Variants in IL16 observed in about 807,000 individuals in gnomAD.
IL16 encodes the protein pro-interleukin-16.
A neutral mutation model predicts 110.1 loss-of-function variants in IL16; 67 were observed. The observed-to-expected ratio is 0.61, with a 90% CI of 0.50 to 0.75. The LOEUF is 0.75. IL16 is among the 30% of genes least tolerant of loss of function. IL16 has a pLI of 0.00. For synonymous variants in IL16, 689 were observed against 662.9 expected (o/e 1.04, Z -0.61); for missense variants, 1,545 against 1,655.0 (o/e 0.93, Z 1.15).
At chr15:81,307,014 C>G (rs3926278) in intron 18 of IL16, among the ~76,000 whole-genome samples, 20,642 of 152,220 alleles carry the variant, frequency 0.14, 1,984 homozygotes, top group African/African-American at 0.27. Context: ...TTGCCTTACC[C>G]TAGTCCTGGA....
At chr15:81,301,908 C>A (rs1900307424) in intron 15 of IL16, among the ~76,000 whole-genome samples, 1 of 152,214 alleles carries the variant, frequency 6.6e-6, no homozygotes, top group African/African-American at 2.4e-5. Flanking sequence ...GTTACAAGAG[C>A]TCTCACCTGG....
At chr15:81,222,453 C>T (rs1489836934) in intron 1 of IL16, among the ~76,000 whole-genome samples, 1 of 150,586 alleles carries the variant, frequency 6.6e-6, no homozygotes, top group East Asian at 1.9e-4. Context: ...TCAGGCATGG[C>T]TGGATCTAGA....
intron 10 of IL16, among the ~76,000 whole-genome samples, chr15:81,287,383 G>A (rs1400619811): frequency 1.3e-5 from 2 of 152,202 alleles, no homozygotes; most frequent in African/African-American, 4.8e-5. Flanking sequence ...TAGACTTAGG[G>A]CTGATAGCAA....
At position 81,306,473 on chromosome 15, in the gene IL16, G is replaced by A. The variant is rs767528033; in HGVS notation, c.3733G>A (p.Gly1245Ser). 1.9e-6 allele frequency: 3 copies of A among 1,614,044 alleles called. No homozygotes were observed. The Admixed American group carries it at 5.0e-5, about 27-fold the overall frequency. The change falls in exon 18 of 19, where the codon GGC becomes AGC. Residue 1245 changes from glycine to serine, a missense_variant. Coordinates refer to ENST00000683961, the MANE Select transcript of IL16 (RefSeq NM_172217.5). ...VTLEKMSAGL[G>S]FSLEGGKGSL... Reference sequence around the variant, plus strand: ...ACTGGAGAAGATGTCGGCAGGGCTGGGCTTCAGCCTGGAAGGAGGGAAGGG... The same window carrying A: ...ACTGGAGAAGATGTCGGCAGGGCTGAGCTTCAGCCTGGAAGGAGGGAAGGG...
At chr15:81,214,659 A>T (rs1161873646) in intron 1 of IL16, among the ~76,000 whole-genome samples, 1 of 151,954 alleles carries the variant, frequency 6.6e-6, no homozygotes, top group Non-Finnish European at 1.5e-5. Flanking sequence ...TCATATTTGC[A>T]TATCAACCTC....
At chr15:81,220,550 G>A (rs938179825) in intron 1 of IL16, among the ~76,000 whole-genome samples, 1 of 152,078 alleles carries the variant, frequency 6.6e-6, no homozygotes, top group Non-Finnish European at 1.5e-5. Context: ...TTACCCCCTG[G>A]GCTAGAGTGA....
At chr15:81,252,550 A>G (rs1897802317) in intron 2 of IL16, among the ~76,000 whole-genome samples, 2 of 152,180 alleles carry the variant, frequency 1.3e-5, no homozygotes, top group African/African-American at 4.8e-5. Flanking sequence ...GTATATTTAC[A>G]GAGTTGTACA....
At chr15:81,297,772 C>T (rs1219288144) in intron 13 of IL16, among the ~76,000 whole-genome samples, 1 of 152,170 alleles carries the variant, frequency 6.6e-6, no homozygotes, top group African/African-American at 2.4e-5. Context: ...TCGTGAGGCC[C>T]TGTGCTAGAT....
chr15:81,258,756 G>A (rs373440415), intron 2 of IL16, among the ~76,000 whole-genome samples: 131 of 147,340 alleles, frequency 8.9e-4, no homozygotes, highest in Admixed American at 1.5e-3. Flanking sequence ...TCTGTCACTC[G>A]CTCTCTCTCT....
intron 2 of IL16, among the ~76,000 whole-genome samples, chr15:81,246,106 G>A (rs1046898147): frequency 1.1e-4 from 16 of 152,014 alleles, no homozygotes; most frequent in African/African-American, 3.6e-4. Flanking sequence ...TAATGGTTTT[G>A]TTTCTTCAAA....
chr15:81,184,648 G>A (rs946006368), intron 1 of IL16, among the ~76,000 whole-genome samples: 4 of 152,210 alleles, frequency 2.6e-5, no homozygotes, highest in African/African-American at 7.2e-5. Context: ...TTATCCGGGC[G>A]ATGCCCCATC....
chr15:81,191,802 G>A (rs984326099), intron 1 of IL16, among the ~76,000 whole-genome samples: 1 of 152,166 alleles, frequency 6.6e-6, no homozygotes, highest in African/African-American at 2.4e-5. Flanking sequence ...GGTGACAAGG[G>A]CATGGCTTAT....
At position 81,254,771 on chromosome 15, in the gene IL16, G is replaced by A. The variant is rs757558278; in HGVS notation, c.313-5001G>A. Among the ~76,000 whole-genome samples, 142 of 152,154 alleles carry A rather than the reference G, an allele frequency of 9.3e-4. 2 individuals are homozygous for A. The highest frequency in any genetic ancestry group is 1.3e-4 in the Non-Finnish European group (9 of 68,024). ...AGGGAGTCACACTGTGCAGACGTTCGTGGGGCTCCTACAGAGAATCCTTTG... is the reference window on the plus strand; with the variant it reads ...AGGGAGTCACACTGTGCAGACGTTCATGGGGCTCCTACAGAGAATCCTTTG... On this transcript the variant is annotated intron_variant, in intron 2 of 18. Transcript: ENST00000683961.
Position 81,308,671 on chromosome 15 carries a change from C to T in IL16, c.3872C>T (p.Ala1291Val). Residue 1291 changes from alanine to valine, a missense_variant, in exon 19 of 19, where the codon GCC (alanine) becomes GTC (valine). Ala to Val is a moderately conservative substitution (Grantham distance 64). Around this residue, in one of 3 missense-constraint regions of IL16, gnomAD observed 356 missense variants for 399.3 expected, o/e 0.89. Coordinates refer to ENST00000683961, the MANE Select transcript of IL16 (RefSeq NM_172217.5). ...GDEILQLGGTAMQGLTRFEAW... is the reference protein window; with the variant it reads ...GDEILQLGGTVMQGLTRFEAW... ...GAAATCTTACAGCTGGGTGGCACTG[C>T]CATGCAGGGCCTCACACGGTTTGAA... The T allele has an allele frequency of 6.2e-7, 1 of 1,613,408 alleles. No individual in the cohort carries two copies. The highest frequency in any genetic ancestry group is 8.5e-7 in the Non-Finnish European group (1 of 1,179,414).
intron 2 of IL16, among the ~76,000 whole-genome samples, chr15:81,250,169 G>C (rs1409772656): frequency 6.6e-6 from 1 of 151,950 alleles, no homozygotes; most frequent in Non-Finnish European, 1.5e-5. Context: ...CTCTCTCTTA[G>C]AATCTTGTTT....
At chr15:81,248,179 T>G (rs1376682285) in intron 2 of IL16, among the ~76,000 whole-genome samples, 2 of 152,194 alleles carry the variant, frequency 1.3e-5, no homozygotes, top group Non-Finnish European at 2.9e-5. Context: ...TATTTTTGTT[T>G]GAATCTACCT....
intron 2 of IL16, among the ~76,000 whole-genome samples, chr15:81,231,833 C>G (rs903539541): frequency 6.6e-6 from 1 of 152,100 alleles, no homozygotes; most frequent in African/African-American, 2.4e-5. Context: ...TAGTCAACAC[C>G]ATTTTTTGGA....
chr15:81,219,444 AT>A (rs1896541810), intron 1 of IL16, among the ~76,000 whole-genome samples: 2 of 150,070 alleles, frequency 1.3e-5, no homozygotes, highest in Non-Finnish European at 2.9e-5. Flanking sequence ...GAGGTAATAT[AT>A]TACCTCCATA....
intron 2 of IL16, among the ~76,000 whole-genome samples, chr15:81,226,349 G>A (rs1395456323): frequency 2.0e-5 from 3 of 152,220 alleles, no homozygotes; most frequent in Non-Finnish European, 4.4e-5. Context: ...ATCATAATGA[G>A]ATGGAGATTG....
Sources: allele counts gnomAD v4.1 joint callset (sites outside exome capture counted in the v4.1 genomes callset), GRCh38; gene constraint gnomAD v4.1.1; regional missense constraint gnomAD v4.1.1; transcripts MANE v1.5; gene names NCBI Gene and HGNC (gene_info 2026-07-23, HGNC 2026-07-21).